Variants in HHLA1 observed in about 807,000 individuals in gnomAD.
The protein encoded by HHLA1 is HERV-H LTR-associating protein 1.
Under a neutral mutation model 69.9 loss-of-function variants are expected in HHLA1, and 72 were observed. The ratio of observed to expected loss-of-function variants is 1.03; its 90% CI spans 0.85 to 1.25. HHLA1 has a LOEUF of 1.25. Ranked by LOEUF, HHLA1 falls within the 50% of genes most tolerant of loss-of-function variation. The pLI is 0.00. For missense variants in HHLA1, 685 were observed against 642.2 expected, an observed-to-expected ratio of 1.07 and a Z score of -0.72; for synonymous variants, 252 against 233.2, an observed-to-expected ratio of 1.08 and a Z score of -0.73.
chr8:132,105,162 C>A (rs1453578448), intron 2 of HHLA1, 25 bp downstream of exon 2: 5 of 1,519,760 alleles, frequency 3.3e-6, no homozygotes, highest in Non-Finnish European at 4.5e-6. Flanking sequence ...AGAACAGACA[C>A]TTGCAGAACT....
rs1340373065 is a variant in HHLA1, at chr8:132,076,491, G to A, written c.1224C>T (p.Pro408=). ...QTPSPTKATA[P]RYPQTGDLSA... ...GTTTCTCACCTGTTTGTGGATATCT[G>A]GGGGCTGTTGCCTTGGTTGGACTCG... The change falls in exon 13 of 17, where the codon CCC becomes CCT. Residue 408 remains proline, a synonymous_variant. Transcript: ENST00000414222. The A allele has an allele frequency of 6.6e-7, 1 of 1,522,264 alleles. No homozygotes were observed. Among genetic ancestry groups the A allele is most frequent in the Non-Finnish European group, 8.8e-7 (1 of 1,134,700 alleles). The allele number at this position is 1,522,264 out of a possible 1,614,324, so 94.3% of individuals were successfully genotyped here. A position where few individuals can be genotyped will look rare whatever the true frequency, so the allele number is the denominator to read the frequency against.
intron 1 of HHLA1, among the ~76,000 whole-genome samples, chr8:132,106,866 A>G (rs1824210394): frequency 6.6e-6 from 1 of 152,218 alleles, no homozygotes. Flanking sequence ...GTGGGCAGGC[A>G]ATTCCTGCTG....
intron 12 of HHLA1, 78 bp downstream of exon 12, chr8:132,077,648 A>G: frequency 1.4e-6 from 2 of 1,450,340 alleles, no homozygotes; most frequent in Non-Finnish European, 1.9e-6. Context: ...TATTCCAAAA[A>G]TTTAGAAAGT....
Position 132,110,315 on chromosome 8 carries a change from AC to A in HHLA1, c.-22+786del, listed in dbSNP as rs1824275633. Among the ~76,000 whole-genome samples the A allele has an allele frequency of 3.3e-5, 5 of 152,178 alleles. No individual in the cohort carries two copies. The South Asian group carries it at 1.0e-3, about 32-fold the overall frequency. On this transcript the variant is annotated intron_variant, in intron 1 of 16. Coordinates refer to ENST00000414222, the MANE Select transcript of HHLA1 (RefSeq NM_001145095.3). ...ATCAGCTCTCCCTCCTTGAAGAGAA[AC>A]CAGAAGCCTGGGGATTCTAGACAGT...
Position 132,061,946 on chromosome 8 carries a change from T to G in HHLA1, c.*2049A>C, listed in dbSNP as rs143137278. On this transcript the variant is annotated 3_prime_UTR_variant, in exon 17 of 17. Transcript: ENST00000414222. ...GATTATAGTCATGCTCAGTCATTAT[T>G]CCCAAAGTATGGGGTAACTGGGTTC... The G allele has an allele frequency of 9.0e-4, 137 of 152,328 alleles. 1 individual carries two copies. Among genetic ancestry groups the G allele is most frequent in the African/African-American group, 3.0e-3 (125 of 41,586 alleles). 9.4% of individuals were successfully genotyped at this position (152,328 alleles called of 1,614,324 possible).
At chr8:132,078,356 G>A (rs1823683859) in intron 11 of HHLA1, among the ~76,000 whole-genome samples, 2 of 152,106 alleles carry the variant, frequency 1.3e-5, no homozygotes, top group Admixed American at 1.3e-4. Flanking sequence ...GATTAGTTGT[G>A]CCTCTGTCTC....
At chr8:132,066,106 T>C (rs567268913) in intron 15 of HHLA1, 138 bp from the exon 16 acceptor site, 1 of 380,002 alleles carries the variant, frequency 2.6e-6, no homozygotes, top group Non-Finnish European at 5.2e-6. Context: ...TGCCCATCTT[T>C]AAAGGGTGTC....
At chr8:132,077,587 A>G in intron 12 of HHLA1, 139 bp downstream of exon 12, 2 of 824,930 alleles carry the variant, frequency 2.4e-6, no homozygotes, top group Non-Finnish European at 3.7e-6. Context: ...AGGAGAAGGA[A>G]GAGTTTGCTT....
intron 10 of HHLA1, among the ~76,000 whole-genome samples, chr8:132,084,585 C>CT (rs981879625): frequency 3.3e-5 from 5 of 152,060 alleles, no homozygotes; most frequent in African/African-American, 7.2e-5. Flanking sequence ...CGAGTTTGTA[C>CT]TGGGGTCAAG....
chr8:132,076,128 A>C lies in HHLA1; in HGVS notation c.1242T>G (p.Gly414=). Reference sequence around the variant, plus strand: ...TGAATGGCCACTCTGCAGAGAGATCACCTGCAAAGGGCAGGAATGGCCTTC... The same window carrying C: ...TGAATGGCCACTCTGCAGAGAGATCCCCTGCAAAGGGCAGGAATGGCCTTC... ...KATAPRYPQT[G]DLSAEWPFTA... The change falls in exon 14 of 17, where the codon GGT becomes GGG. Residue 414 remains glycine, a splice_region_variant and synonymous_variant. Transcript: ENST00000414222. The C allele has an allele frequency of 6.5e-7, 1 of 1,550,250 alleles. No homozygotes were observed. The highest frequency in any genetic ancestry group is 1.2e-5 in the South Asian group (1 of 84,038).
intron 1 of HHLA1, among the ~76,000 whole-genome samples, chr8:132,109,031 G>A (rs1161497097): frequency 6.6e-6 from 1 of 152,142 alleles, no homozygotes; most frequent in African/African-American, 2.4e-5. Context: ...GTTTTGAGAC[G>A]AAGTCTCGCT....
At chr8:132,090,757 T>C (rs6471039) in intron 7 of HHLA1, among the ~76,000 whole-genome samples, 6,337 of 32,728 alleles carry the variant, frequency 0.19, 177 homozygotes, top group African/African-American at 0.36. Flanking sequence ...TTCTCTCTCT[T>C]TTTTTTTTTT....
At chr8:132,064,644 A>G (rs952081196) in intron 16 of HHLA1, among the ~76,000 whole-genome samples, 2 of 152,234 alleles carry the variant, frequency 1.3e-5, no homozygotes, top group African/African-American at 4.8e-5. Context: ...GAAAGAAAAA[A>G]ATAATGGAGG....
chr8:132,097,133 G>A lies in HHLA1; in HGVS notation c.281-1347C>T, dbSNP rs76851065. ...GAGACCCCAATGCCATACACTGAGC[G>A]GGAACCAGACTCTGTATTTAATAAG... On this transcript the variant is annotated intron_variant, in intron 5 of 16. Coordinates refer to ENST00000414222, the MANE Select transcript of HHLA1 (RefSeq NM_001145095.3). 4.0e-3 allele frequency among the ~76,000 whole-genome samples: 608 copies of A among 152,244 alleles called. 5 individuals carry two copies. Among genetic ancestry groups the A allele is most frequent in the African/African-American group, 0.014 (566 of 41,540 alleles).
chr8:132,069,067 C>T lies in HHLA1; in HGVS notation c.1469+2273G>A, dbSNP rs1488496088. 3.3e-5 allele frequency among the ~76,000 whole-genome samples: 5 copies of T among 152,130 alleles called. No individual in the cohort carries two copies. In the East Asian group the frequency reaches 9.6e-4, roughly 29 times the overall value. ...GTCAAAGAGGGCATATAATAAGTTACCCAGGTGCTTAAAAGGCAAGGTAGT... is the reference window on the plus strand; with the variant it reads ...GTCAAAGAGGGCATATAATAAGTTATCCAGGTGCTTAAAAGGCAAGGTAGT... On this transcript the variant is annotated intron_variant, in intron 15 of 16. Transcript: ENST00000414222.
Position 132,065,911 on chromosome 8 carries a change from C to T in HHLA1, c.1527G>A (p.Arg509=), listed in dbSNP as rs1294364053. ...FLKNATYICQ[R]VKRVSHSHTL... is the part of the protein sequence containing the mutation. ...TGTGCGAGTGGGACACCCTTTTCAC[C>T]CTCTGACAGATATATGTTGCATTCT... Residue 509 remains arginine (R), a synonymous_variant, in exon 16 of 17, where the codon AGG becomes AGA. Coordinates refer to ENST00000414222, the MANE Select transcript of HHLA1 (RefSeq NM_001145095.3). The T allele has an allele frequency of 3.1e-6, 4 of 1,302,964 alleles. No individual in the cohort carries two copies. Among genetic ancestry groups the T allele is most frequent in the Non-Finnish European group, 4.1e-6 (4 of 986,756 alleles). The allele number at this position is 1,302,964 out of a possible 1,614,324, so 80.7% of individuals were successfully genotyped here.
At chr8:132,069,199 C>A (rs73353148) in intron 15 of HHLA1, among the ~76,000 whole-genome samples, 7,927 of 152,238 alleles carry the variant, frequency 0.052, 248 homozygotes, top group Non-Finnish European at 0.065. Context: ...TCCATCTTTG[C>A]AGATGCTATT....
intron 1 of HHLA1, among the ~76,000 whole-genome samples, chr8:132,109,047 G>A (rs35638972): frequency 5.9e-5 from 9 of 152,024 alleles, no homozygotes; most frequent in African/African-American, 1.4e-4. Context: ...TCGCTCTGTC[G>A]CCCAGGCTGG....
chr8:132,094,774 C>T (rs780711085), intron 7 of HHLA1, among the ~76,000 whole-genome samples: 6 of 152,162 alleles, frequency 3.9e-5, no homozygotes, highest in African/African-American at 9.7e-5. Flanking sequence ...CTATGTCCCA[C>T]GGGAGCAGGA....
Sources: gnomAD v4.1 joint callset for allele counts (sites outside exome capture counted in the v4.1 genomes callset) on GRCh38, gnomAD v4.1.1 for gene constraint, MANE v1.5 for transcripts, NCBI Gene and HGNC (gene_info 2026-07-23, HGNC 2026-07-21) for gene names.